CREBBP: variants seen among roughly 807,000 people sequenced by gnomAD.
CREBBP encodes the protein CREB binding lysine acetyltransferase.
Under a neutral mutation model 265.0 loss-of-function variants are expected in CREBBP, and 19 were observed. That is an observed-to-expected ratio of 0.07 (90% CI 0.05 to 0.11). The LOEUF (loss-of-function observed/expected upper bound fraction) is 0.11, where lower values mean the gene tolerates loss of function less well. Ranked by LOEUF, CREBBP falls within the 10% of genes least tolerant of loss-of-function variation. The pLI, the probability that CREBBP is intolerant of heterozygous loss-of-function variation, is 1.00. For synonymous variants in CREBBP, 1,457 were observed against 1,223.7 expected (o/e 1.19, Z -3.98); for missense variants, 2,525 against 3,219.0 (o/e 0.78, Z 5.22).
intron 2 of CREBBP, among the ~76,000 whole-genome samples, chr16:3,830,136 C>T (rs2054313930): frequency 6.6e-6 from 1 of 152,150 alleles, no homozygotes; most frequent in Admixed American, 6.5e-5. Context: ...GTGACTCATG[C>T]CTGTAATCCC....
chr16:3,737,484 A>T (rs1596807752), intron 26 of CREBBP, among the ~76,000 whole-genome samples: 1 of 144,538 alleles, frequency 6.9e-6, no homozygotes, highest in Admixed American at 7.0e-5. Context: ...CGGGGGGCAG[A>T]GTTTCATTGT....
At chr16:3,740,373 G>A (rs2151339671) in intron 24 of CREBBP, 26 bp downstream of exon 24, 2 of 1,613,724 alleles carry the variant, frequency 1.2e-6, no homozygotes, top group Non-Finnish European at 1.7e-6. Flanking sequence ...TGCTCGCAGA[G>A]CACTGTAGAG....
In CREBBP at chr16:3,757,359, C is replaced by G. The variant is rs1240905850; in HGVS notation, c.3627G>C (p.Gln1209His). 1 of 1,613,772 alleles carries G rather than the reference C, an allele frequency of 6.2e-7. No individual in the cohort carries two copies. The highest frequency in any genetic ancestry group is 1.7e-5 in the Admixed American group (1 of 59,982). The change falls in exon 19 of 31, where the codon CAG (glutamine) becomes CAC (histidine). Residue 1209 changes from glutamine (Q) to histidine (H), a missense_variant. This residue lies in a region of CREBBP where 252 missense variants were observed against 452.5 expected (regional missense o/e 0.56). Coordinates refer to ENST00000262367, the MANE Select transcript of CREBBP (RefSeq NM_004380.3). The stretch of plus-strand genomic sequence containing the variant: ...GCTGCTTCCCATAGCAGCACAAAGT[C>G]TGTGGGGAAAACTCATACTGCAAAA... ...CCGRKYEFSP[Q>H]TLCCYGKQLC...
At position 3,773,963 on chromosome 16, in the gene CREBBP, T is replaced by C. The variant is rs980929562; in HGVS notation, c.2284-33A>G. The C allele has an allele frequency of 6.8e-6, 11 of 1,611,068 alleles. No homozygotes were observed. In the Middle Eastern group the frequency reaches 9.0e-4, roughly 131 times the overall value. On this transcript the variant is annotated intron_variant, in intron 12 of 30. Transcript: ENST00000262367. ...ACAACAAGCACCACCAGAGCTGTAG[T>C]TCGGAAGCTGACGGCCAGAGTTTTC...
intron 16 of CREBBP, chr16:3,767,405 G>T: frequency 2.3e-6 from 1 of 436,906 alleles, no homozygotes; most frequent in South Asian, 3.1e-5. Flanking sequence ...GTAAAGCCAA[G>T]CTCCTTAACC....
At chr16:3,807,793 T>A (rs759821340) in intron 3 of CREBBP, among the ~76,000 whole-genome samples, 1 of 152,164 alleles carries the variant, frequency 6.6e-6, no homozygotes, top group Non-Finnish European at 1.5e-5. Flanking sequence ...GGGGAGACCA[T>A]GTGTGCTGGT....
Position 3,731,544 on chromosome 16 carries a change from G to A in CREBBP, c.4891-71C>T, listed in dbSNP as rs2051917085. 3.3e-5 allele frequency: 51 copies of A among 1,528,616 alleles called. 1 individual carries two copies. The South Asian group carries it at 4.8e-4, about 14-fold the overall frequency. The allele number at this position is 1,528,616 out of a possible 1,614,324, so 94.7% of individuals were successfully genotyped here. A position where few individuals can be genotyped will look rare whatever the true frequency, so the allele number is the denominator to read the frequency against. Reference sequence around the variant, plus strand: ...CTCCAGTGGTGAGCTCAGGGCAGGCGCAGCCACCCAGCCTGCAGAATAGGC... The same window carrying A: ...CTCCAGTGGTGAGCTCAGGGCAGGCACAGCCACCCAGCCTGCAGAATAGGC... On this transcript the variant is annotated intron_variant, in intron 29 of 30. Transcript: ENST00000262367. The surrounding 1 kb of genome is among the most constrained non-coding windows in gnomAD (Gnocchi z 7.7).
chr16:3,866,160 GA>G (rs1209585076), intron 1 of CREBBP, among the ~76,000 whole-genome samples: 3 of 152,150 alleles, frequency 2.0e-5, no homozygotes, highest in African/African-American at 4.8e-5. Flanking sequence ...GCACTTTAAA[GA>G]AGAACTTTTC....
At position 3,728,359 on chromosome 16, in the gene CREBBP, G is replaced by T. The variant is rs1294524463; in HGVS notation, c.6688C>A (p.Gln2230Lys). Residue 2230 changes from glutamine (Q) to lysine (K), a missense_variant, in exon 31 of 31, where the codon CAG becomes AAG. Transcript: ENST00000262367. The surrounding 1 kb of genome is among the most constrained non-coding windows in gnomAD (Gnocchi z 8.7). ...CCGGGTCCTTGAGGCTGCTGGAACTGGCCGTGCCCCGCCATGCCCCCAGCC... is the reference window on the plus strand; with the variant it reads ...CCGGGTCCTTGAGGCTGCTGGAACTTGCCGTGCCCCGCCATGCCCCCAGCC... Reference protein sequence around the residue: ...GMAGGMAGHGQFQQPQGPGGY... With the variant: ...GMAGGMAGHGKFQQPQGPGGY... The T allele has an allele frequency of 6.2e-7, 1 of 1,609,516 alleles. No homozygotes were observed. Among genetic ancestry groups the T allele is most frequent in the African/African-American group, 1.3e-5 (1 of 74,942 alleles).
At chr16:3,800,478 C>T (rs1007461385) in intron 3 of CREBBP, among the ~76,000 whole-genome samples, 1 of 151,668 alleles carries the variant, frequency 6.6e-6, no homozygotes, top group African/African-American at 2.4e-5. Context: ...GACGAGCCTG[C>T]TTTGTTTTTT....
rs1363968337 is a variant in CREBBP, at chr16:3,763,845, T to A, written c.3250+3875A>T. ...CTGCACAGATGGGAAAAAAGCAATCTTTTTTTTTTTTTTTTTTGAGAAGGA... is the reference window on the plus strand; with the variant it reads ...CTGCACAGATGGGAAAAAAGCAATCATTTTTTTTTTTTTTTTTGAGAAGGA... On this transcript the variant is annotated intron_variant, in intron 16 of 30. Transcript: ENST00000262367. Among the ~76,000 whole-genome samples, 11 of 136,544 alleles carry A rather than the reference T, an allele frequency of 8.1e-5. No individual in the cohort carries two copies. The East Asian group carries it at 2.3e-3, about 29-fold the overall frequency. The allele number at this position is 136,544 out of a possible 152,430, so 89.6% of individuals were successfully genotyped here. A position where few individuals can be genotyped will look rare whatever the true frequency, so the allele number is the denominator to read the frequency against.
intron 5 of CREBBP, chr16:3,784,419 T>C (rs528620201): frequency 2.6e-5 from 4 of 152,322 alleles, no homozygotes; most frequent in East Asian, 3.9e-4. Context: ...TTATGACAAG[T>C]GTGTAGCTGA....
chr16:3,807,452 A>C (rs1031810963), intron 3 of CREBBP, among the ~76,000 whole-genome samples: 1 of 152,230 alleles, frequency 6.6e-6, no homozygotes, highest in Non-Finnish European at 1.5e-5. Flanking sequence ...ATTTCTTTGT[A>C]AGTGTTTGCC....
intron 28 of CREBBP, among the ~76,000 whole-genome samples, chr16:3,734,551 T>C (rs1243855332): frequency 6.6e-6 from 1 of 152,156 alleles, no homozygotes; most frequent in African/African-American, 2.4e-5. Flanking sequence ...TAACCTCCCG[T>C]GTCACCCTTA....
chr16:3,760,193 G>A (rs1173354651), intron 16 of CREBBP, among the ~76,000 whole-genome samples: 2 of 152,062 alleles, frequency 1.3e-5, no homozygotes, highest in African/African-American at 4.8e-5. Flanking sequence ...CCAGGCTCAA[G>A]CCATCCTCCT....
rs776803900 is a variant in CREBBP at position 3,770,626 on chromosome 16, G to A, written c.2824C>T (p.Pro942Ser). 1.9e-6 allele frequency: 3 copies of A among 1,613,978 alleles called. No individual in the cohort carries two copies. Among genetic ancestry groups the A allele is most frequent in the South Asian group, 1.1e-5 (1 of 91,076 alleles). Reference sequence around the variant, plus strand: ...GTCGGCTGTTGCTGCGATGACTGAGGGGTAGCCACAGACGGGGGCTGAACT... The same window carrying A: ...GTCGGCTGTTGCTGCGATGACTGAGAGGTAGCCACAGACGGGGGCTGAACT... ...TPVQPPSVATPQSSQQQPTPV... is the reference protein window; with the variant it reads ...TPVQPPSVATSQSSQQQPTPV... Residue 942 changes from proline (P) to serine (S), a missense_variant, in exon 14 of 31, where the codon CCT (proline) becomes TCT (serine). Transcript: ENST00000262367.
Position 3,777,983 on chromosome 16 carries a change from G to A in CREBBP, c.2113+28C>T, listed in dbSNP as rs143005537. ...AGGAAAACCAAGGAAACAGGCTAAGGGATGGCAGTAGGAAATAAAATCCTT... is the reference window on the plus strand; with the variant it reads ...AGGAAAACCAAGGAAACAGGCTAAGAGATGGCAGTAGGAAATAAAATCCTT... On this transcript the variant is annotated intron_variant, in intron 10 of 30. Coordinates refer to ENST00000262367, the MANE Select transcript of CREBBP (RefSeq NM_004380.3). 204 of 1,612,178 alleles carry A rather than the reference G, an allele frequency of 1.3e-4. 1 individual carries two copies. The African/African-American group carries it at 2.0e-3, about 16-fold the overall frequency.
chr16:3,822,872 AGGAGCTGGCTC>A (rs1253761332), intron 2 of CREBBP, among the ~76,000 whole-genome samples: 1 of 152,198 alleles, frequency 6.6e-6, no homozygotes, highest in East Asian at 1.9e-4. Context: ...TGAGGGAGCC[AGGAGCTGGCTC>A]AGTCCGCTGC....
chr16:3,729,203 CG>C lies in CREBBP; in HGVS notation c.5843del (p.Pro1948ArgfsTer28). 1 of 322,342 alleles carries C rather than the reference CG, an allele frequency of 3.1e-6. No homozygotes were observed. The allele number at this position is 322,342 out of a possible 1,614,324, so 20.0% of individuals were successfully genotyped here. A position where few individuals can be genotyped will look rare whatever the true frequency, so the allele number is the denominator to read the frequency against. On this transcript the variant is annotated frameshift_variant, in exon 31 of 31. Transcript: ENST00000262367. LOFTEE classifies it high-confidence loss of function. ...CCACCGCTGCAGGAGGGGGCTGGGC[CG>C]GGGGTGGGGGGGCCGGCACCTGGCT... ...PTSQVPAPPP[P>X]AQPPPAAVEA...
Sources: allele counts gnomAD v4.1 joint callset (sites outside exome capture counted in the v4.1 genomes callset), GRCh38; gene constraint gnomAD v4.1.1; regional missense constraint gnomAD v4.1.1; non-coding constraint Gnocchi (gnomAD v3.1); transcripts MANE v1.5; gene names NCBI Gene and HGNC (gene_info 2026-07-23, HGNC 2026-07-21).